CNTNAP5: variants seen among roughly 807,000 people sequenced by gnomAD.
CNTNAP5 encodes contactin associated protein family member 5, also known as contactin-associated protein-like 5.
CNTNAP5 carries 72 observed loss-of-function variants against 150.2 expected under a neutral mutation model. The ratio of observed to expected loss-of-function variants is 0.48; its 90% confidence interval spans 0.40 to 0.58. CNTNAP5 has a LOEUF of 0.58. CNTNAP5 is among the 20% of genes least tolerant of loss of function. The probability of loss-of-function intolerance (pLI) is 0.00; values close to 1 mark genes in which losing one functional copy is unlikely to be tolerated. For missense variants in CNTNAP5, 1,636 were observed against 1,626.2 expected, an observed-to-expected ratio of 1.01 and a Z score of -0.10; for synonymous variants, 672 against 619.8, an observed-to-expected ratio of 1.08 and a Z score of -1.25.
chr2:124,748,110 G>T (rs1035442116), intron 14 of CNTNAP5, among the ~76,000 whole-genome samples: 1 of 151,910 alleles, frequency 6.6e-6, no homozygotes, highest in African/African-American at 2.4e-5. Flanking sequence ...TGCTCCCATT[G>T]ATGTTTCAGT....
At chr2:124,827,050 C>T (rs552904943) in intron 19 of CNTNAP5, among the ~76,000 whole-genome samples, 2 of 152,160 alleles carry the variant, frequency 1.3e-5, no homozygotes, top group Non-Finnish European at 2.9e-5. Flanking sequence ...TCTCTTGAGT[C>T]GCTAGGGCCA....
chr2:124,264,389 T>TACACACACACACAC (rs200429155), intron 3 of CNTNAP5, among the ~76,000 whole-genome samples: 1 of 126,552 alleles, frequency 7.9e-6, no homozygotes, highest in African/African-American at 2.8e-5. Context: ...CACACACACA[T>TACACACACACACAC]ACACACACAC....
At chr2:124,594,323 A>C (rs1188799703) in intron 11 of CNTNAP5, among the ~76,000 whole-genome samples, 2 of 149,002 alleles carry the variant, frequency 1.3e-5, no homozygotes, top group Non-Finnish European at 3.0e-5. Context: ...ATAAGGTGTA[A>C]GGAAGGGATC....
At chr2:124,320,296 G>T (rs1488778982) in intron 3 of CNTNAP5, among the ~76,000 whole-genome samples, 4 of 152,198 alleles carry the variant, frequency 2.6e-5, no homozygotes, top group African/African-American at 4.8e-5. Flanking sequence ...CTCCAGCAAT[G>T]TATGAGAGCA....
At chr2:124,786,446 GGAAA>G (rs1169080964) in intron 17 of CNTNAP5, among the ~76,000 whole-genome samples, 58 of 78,838 alleles carry the variant, frequency 7.4e-4, no homozygotes, top group African/African-American at 1.5e-3. Flanking sequence ...AAGGAAGGAA[GGAAA>G]GAAAGAAAGA....
chr2:124,593,124 T>TTTA (rs1248392340), intron 11 of CNTNAP5, among the ~76,000 whole-genome samples: 1 of 147,910 alleles, frequency 6.8e-6, no homozygotes, highest in African/African-American at 2.5e-5. Context: ...TATTTATTTA[T>TTTA]TTATTATTAT....
intron 6 of CNTNAP5, among the ~76,000 whole-genome samples, chr2:124,456,378 T>TA (rs1373366974): frequency 1.3e-5 from 2 of 152,118 alleles, no homozygotes; most frequent in Non-Finnish European, 2.9e-5. Context: ...GAAAGACCTC[T>TA]ACAAGAAAAA....
At chr2:124,268,726 G>A (rs558325190) in intron 3 of CNTNAP5, among the ~76,000 whole-genome samples, 8 of 152,218 alleles carry the variant, frequency 5.3e-5, no homozygotes, top group Admixed American at 1.3e-4. Context: ...TTACATTTCC[G>A]GGTTGCCCAC....
intron 3 of CNTNAP5, among the ~76,000 whole-genome samples, chr2:124,279,245 GTGTC>G (rs1369289070): frequency 2.0e-5 from 3 of 149,708 alleles, no homozygotes; most frequent in Admixed American, 6.6e-5. Flanking sequence ...GTGTGTGTGT[GTGTC>G]TGTGTGTGTG....
At chr2:124,465,892 G>C (rs1332058282) in intron 6 of CNTNAP5, among the ~76,000 whole-genome samples, 4 of 152,136 alleles carry the variant, frequency 2.6e-5, no homozygotes, top group Non-Finnish European at 5.9e-5. Flanking sequence ...GGATCTAGGA[G>C]TTCTTGGATG....
chr2:124,461,332 G>C (rs1573389478), intron 6 of CNTNAP5, among the ~76,000 whole-genome samples: 1 of 151,924 alleles, frequency 6.6e-6, no homozygotes, highest in East Asian at 1.9e-4. Flanking sequence ...ATACACCATG[G>C]AATACTATGT....
chr2:124,274,214 A>G (rs1052595041), intron 3 of CNTNAP5, among the ~76,000 whole-genome samples: 19 of 152,308 alleles, frequency 1.2e-4, no homozygotes, highest in African/African-American at 4.6e-4. Context: ...AATTTGCACT[A>G]GCCATAGGTC....
intron 6 of CNTNAP5, among the ~76,000 whole-genome samples, chr2:124,466,692 C>T (rs1042789932): frequency 6.6e-5 from 10 of 152,092 alleles, no homozygotes; most frequent in Non-Finnish European, 1.5e-4. Context: ...AGATTTTGTT[C>T]GGAAAGTCTG....
chr2:124,537,166 C>A (rs1278214407), intron 10 of CNTNAP5, among the ~76,000 whole-genome samples: 1 of 151,998 alleles, frequency 6.6e-6, no homozygotes, highest in Non-Finnish European at 1.5e-5. Flanking sequence ...AGTAATTTGC[C>A]CAAGGTCACA....
chr2:124,679,171 G>A (rs1258675968), intron 13 of CNTNAP5, among the ~76,000 whole-genome samples: 2 of 151,838 alleles, frequency 1.3e-5, no homozygotes, highest in African/African-American at 4.8e-5. Flanking sequence ...TTTGAGAGGT[G>A]CCTCTGTGGT....
At chr2:124,705,356 C>T (rs1259066575) in intron 13 of CNTNAP5, among the ~76,000 whole-genome samples, 2 of 151,968 alleles carry the variant, frequency 1.3e-5, no homozygotes, top group East Asian at 1.9e-4. Context: ...GATGAGACCT[C>T]GTCTCTACTA....
intron 1 of CNTNAP5, among the ~76,000 whole-genome samples, chr2:124,218,336 T>G (rs1481312731): frequency 1.3e-5 from 2 of 152,168 alleles, no homozygotes; most frequent in Non-Finnish European, 1.5e-5. Context: ...TGCTCTCTCT[T>G]CAACGTAAGC....
intron 6 of CNTNAP5, among the ~76,000 whole-genome samples, chr2:124,468,202 G>T (rs567947762): frequency 6.6e-6 from 1 of 152,208 alleles, no homozygotes; most frequent in South Asian, 2.1e-4. Flanking sequence ...TTATTAAGGA[G>T]AATTGACTCA....
At chr2:124,578,665 G>T (rs1696348296) in intron 11 of CNTNAP5, among the ~76,000 whole-genome samples, 2 of 152,192 alleles carry the variant, frequency 1.3e-5, no homozygotes, top group Non-Finnish European at 2.9e-5. Context: ...CCAGCTCCTT[G>T]TGGGGACTGA....
Sources: allele counts gnomAD v4.1 joint callset (sites outside exome capture counted in the v4.1 genomes callset), GRCh38; gene constraint gnomAD v4.1.1; transcripts MANE v1.5; gene names NCBI Gene and HGNC (gene_info 2026-07-23, HGNC 2026-07-21).